RIMS2: variants seen among roughly 807,000 people sequenced by gnomAD.
RIMS2 encodes the protein regulating synaptic membrane exocytosis protein 2.
Under a neutral mutation model 174.4 loss-of-function variants are expected in RIMS2, and 59 were observed. The observed-to-expected ratio is 0.34, with a 90% CI of 0.27 to 0.42. RIMS2 has a LOEUF of 0.42. Among genes scored for constraint, RIMS2 ranks in the 10% least tolerant of loss-of-function variants. RIMS2 has a pLI of 1.00. For missense variants in RIMS2, 1,620 were observed against 1,666.3 expected (o/e 0.97, Z 0.48); for synonymous variants, 606 against 572.5 (o/e 1.06, Z -0.84).
chr8:104,175,201 C>T (rs2098874383), intron 19 of RIMS2, among the ~76,000 whole-genome samples: 2 of 152,098 alleles, frequency 1.3e-5, no homozygotes, highest in South Asian at 4.1e-4. Flanking sequence ...AGCATAAAAA[C>T]TTTCCAACAA....
intron 3 of RIMS2, among the ~76,000 whole-genome samples, chr8:103,788,956 C>G (rs565967658): frequency 5.9e-5 from 9 of 152,176 alleles, no homozygotes; most frequent in African/African-American, 2.2e-4. Flanking sequence ...GAGCCAGGTG[C>G]GGGATATAAT....
chr8:104,237,520 C>A (rs947292297), intron 19 of RIMS2, among the ~76,000 whole-genome samples: 1 of 152,140 alleles, frequency 6.6e-6, no homozygotes, highest in Non-Finnish European at 1.5e-5. Context: ...CACATGACCA[C>A]ACCTAACTTC....
At chr8:103,601,161 G>A (rs1401269524) in intron 1 of RIMS2, among the ~76,000 whole-genome samples, 1 of 152,120 alleles carries the variant, frequency 6.6e-6, no homozygotes, top group Non-Finnish European at 1.5e-5. Flanking sequence ...TCTGTGGGTT[G>A]TTGATTCAAT....
chr8:104,143,940 A>G (rs2098606682), intron 19 of RIMS2, among the ~76,000 whole-genome samples: 1 of 152,136 alleles, frequency 6.6e-6, no homozygotes, highest in Admixed American at 6.5e-5. Context: ...CATCTTTGCT[A>G]TTTATTATCT....
intron 3 of RIMS2, among the ~76,000 whole-genome samples, chr8:103,826,110 T>A (rs966745075): frequency 6.6e-6 from 1 of 152,208 alleles, no homozygotes; most frequent in African/African-American, 2.4e-5. Flanking sequence ...GGTTGTGTTT[T>A]TATTAAATTC....
Position 104,150,179 on chromosome 8 carries a change from T to G in RIMS2, c.3335-94737T>G, listed in dbSNP as rs181794031. On this transcript the variant is annotated intron_variant, in intron 19 of 23. Coordinates refer to ENST00000504942, the Ensembl canonical transcript of RIMS2. ...TAAAACTTACAAACATCTGTCAATC[T>G]AAAACTTCTCTAAAAAATAAAGTCT... Among the ~76,000 whole-genome samples, 315 of 152,278 alleles carry G rather than the reference T, an allele frequency of 2.1e-3. 2 individuals are homozygous for G. Among genetic ancestry groups the G allele is most frequent in the African/African-American group, 7.4e-3 (308 of 41,570 alleles).
intron 19 of RIMS2, among the ~76,000 whole-genome samples, chr8:104,050,919 C>G (rs1239821719): frequency 6.6e-6 from 1 of 152,030 alleles, no homozygotes; most frequent in Non-Finnish European, 1.5e-5. Flanking sequence ...ACTTCTATAT[C>G]TGTGATGAAA....
intron 1 of RIMS2, among the ~76,000 whole-genome samples, chr8:103,679,690 A>C (rs1441086553): frequency 1.3e-5 from 2 of 152,002 alleles, no homozygotes; most frequent in Non-Finnish European, 2.9e-5. Flanking sequence ...GATGAGGGAG[A>C]CTTTGATATA....
chr8:103,672,899 C>T (rs761399608), intron 1 of RIMS2, among the ~76,000 whole-genome samples: 4 of 152,180 alleles, frequency 2.6e-5, no homozygotes, highest in Non-Finnish European at 4.4e-5. Flanking sequence ...AGGCCAGTCT[C>T]TTTTACCTGT....
chr8:103,686,902 C>T (rs1217627169), intron 1 of RIMS2, among the ~76,000 whole-genome samples: 1 of 152,040 alleles, frequency 6.6e-6, no homozygotes, highest in African/African-American at 2.4e-5. Context: ...GCTGGGACTA[C>T]AGGTATATAC....
Position 103,544,889 on chromosome 8 carries a change from C to A in RIMS2, c.176+43827C>A, listed in dbSNP as rs943225663. 3.9e-5 allele frequency among the ~76,000 whole-genome samples: 6 copies of A among 152,008 alleles called. 1 individual carries two copies. The highest frequency in any genetic ancestry group is 5.9e-5 in the Non-Finnish European group (4 of 67,996). ...TCAAAGAAGATATAAGAAAAAAAAA[C>A]ACATCCAAAGAACAACAACTTCAGA... is the stretch of plus-strand genomic sequence containing the variant. On this transcript the variant is annotated intron_variant, in intron 1 of 23. Coordinates refer to ENST00000504942, the Ensembl canonical transcript of RIMS2.
At chr8:103,920,990 T>G in intron 9 of RIMS2, 1 of 240,834 alleles carries the variant, frequency 4.2e-6, no homozygotes, top group South Asian at 4.1e-5. Flanking sequence ...CAGAATGAGA[T>G]TCTGTCTCAA....
At chr8:103,938,352 AAGAG>A (rs1217752585) in intron 13 of RIMS2, among the ~76,000 whole-genome samples, 1 of 151,970 alleles carries the variant, frequency 6.6e-6, no homozygotes, top group Non-Finnish European at 1.5e-5. Flanking sequence ...GTGGCAGGCA[AAGAG>A]AGAGAGAGAT....
chr8:103,891,027 T>C (rs2099241614), intron 4 of RIMS2, among the ~76,000 whole-genome samples: 1 of 151,926 alleles, frequency 6.6e-6, no homozygotes, highest in Non-Finnish European at 1.5e-5. Context: ...GCCAGAAATA[T>C]CCCCAGACAT....
At chr8:103,913,815 A>G (rs1323988066) in intron 6 of RIMS2, among the ~76,000 whole-genome samples, 2 of 152,132 alleles carry the variant, frequency 1.3e-5, no homozygotes, top group African/African-American at 4.8e-5. Context: ...AGAACTCACT[A>G]TCACAAAGAC....
intron 1 of RIMS2, among the ~76,000 whole-genome samples, chr8:103,502,129 T>A (rs1197385523): frequency 6.6e-6 from 1 of 152,194 alleles, no homozygotes; most frequent in Admixed American, 6.5e-5. Flanking sequence ...TTCAGATGAT[T>A]CTTTTGCGTT....
chr8:103,957,001 A>T, intron 14 of RIMS2, among the ~76,000 whole-genome samples: 1 of 152,086 alleles, frequency 6.6e-6, no homozygotes, highest in South Asian at 2.1e-4. Flanking sequence ...ATATAAAAAA[A>T]CTCATTATCA....
At chr8:103,608,941 T>G (rs2095262468) in intron 1 of RIMS2, among the ~76,000 whole-genome samples, 1 of 152,218 alleles carries the variant, frequency 6.6e-6, no homozygotes, top group African/African-American at 2.4e-5. Context: ...AATGCAGAAA[T>G]CACCCTTCTT....
intron 1 of RIMS2, among the ~76,000 whole-genome samples, chr8:103,504,203 G>A (rs1249173525): frequency 6.6e-6 from 1 of 151,744 alleles, no homozygotes; most frequent in African/African-American, 2.4e-5. Flanking sequence ...ACATCTGAAT[G>A]ATTAATGTTT....
Sources: allele counts gnomAD v4.1 joint callset (sites outside exome capture counted in the v4.1 genomes callset), GRCh38; gene constraint gnomAD v4.1.1; transcripts MANE v1.5; gene names NCBI Gene and HGNC (gene_info 2026-07-23, HGNC 2026-07-21).